Variants in PDZRN4 observed in about 807,000 individuals in gnomAD.
PDZRN4 encodes the protein PDZ domain-containing RING finger protein 4.
PDZRN4 carries 70 observed loss-of-function variants against 99.0 expected under a neutral mutation model. That is an observed-to-expected ratio of 0.71 (90% CI 0.58 to 0.86). PDZRN4 has a LOEUF of 0.86. PDZRN4 is among the 40% of genes least tolerant of loss of function. The pLI is 0.00. For synonymous variants in PDZRN4, 551 were observed against 501.6 expected (o/e 1.10, Z -1.32); for missense variants, 1,474 against 1,331.2 (o/e 1.11, Z -1.67).
rs75453084 is a variant in PDZRN4 at position 41,438,772 on chromosome 12, A to G, written c.844-67684A>G. 7.4e-3 allele frequency among the ~76,000 whole-genome samples: 1,124 copies of G among 152,258 alleles called. 17 individuals carry two copies. Among genetic ancestry groups the G allele is most frequent in the African/African-American group, 0.025 (1,022 of 41,548 alleles). ...CCTGAGCCTTTATAGTTTTAACAGA[A>G]TTTTCTTAACTTACTGTTTTATTGG... On this transcript the variant is annotated intron_variant, in intron 3 of 9. Coordinates refer to ENST00000402685, the MANE Select transcript of PDZRN4 (RefSeq NM_001164595.2).
At chr12:41,283,550 C>CACA (rs1259103180) in intron 3 of PDZRN4, among the ~76,000 whole-genome samples, 1 of 152,080 alleles carries the variant, frequency 6.6e-6, no homozygotes. Flanking sequence ...CTGGCAGAGA[C>CACA]ACAACAACAA....
At chr12:41,195,858 G>C (rs1950768031) in intron 3 of PDZRN4, among the ~76,000 whole-genome samples, 1 of 152,088 alleles carries the variant, frequency 6.6e-6, no homozygotes, top group South Asian at 2.1e-4. Flanking sequence ...AACATATTAA[G>C]TTGTCCAGTT....
Position 41,573,053 on chromosome 12 carries a change from TTCC to T in PDZRN4, c.2275_2277del (p.Ser759del). On this transcript the variant is annotated inframe_deletion, in exon 10 of 10. Transcript: ENST00000402685. ...TCACTGTAGACCGTTCCCCTGACAG[TTCC>T]CTTCCAAGGGTGATCAACCTCACCA... The T allele has an allele frequency of 6.2e-7, 1 of 1,614,068 alleles. No individual in the cohort carries two copies. Among genetic ancestry groups the T allele is most frequent in the Non-Finnish European group, 8.5e-7 (1 of 1,180,004 alleles).
intron 5 of PDZRN4, among the ~76,000 whole-genome samples, chr12:41,543,431 A>T (rs1481502874): frequency 6.6e-6 from 1 of 152,146 alleles, no homozygotes; most frequent in Admixed American, 6.6e-5. Context: ...GCTGGCTCTG[A>T]ATTTCCTCAT....
intron 3 of PDZRN4, among the ~76,000 whole-genome samples, chr12:41,256,221 G>T (rs1951203644): frequency 6.6e-6 from 1 of 152,002 alleles, no homozygotes; most frequent in African/African-American, 2.4e-5. Flanking sequence ...AAAAGGAAAA[G>T]GAAAACAAAT....
At position 41,360,903 on chromosome 12, in the gene PDZRN4, C is replaced by T. The variant is rs575869648; in HGVS notation, c.844-145553C>T. On this transcript the variant is annotated intron_variant, in intron 3 of 9. Transcript: ENST00000402685. ...TTACCAAATTAGAGCAAAAAATATC[C>T]CAAAAAACCTATTTATCATTCCAAA... is the stretch of plus-strand genomic sequence containing the variant. Among the ~76,000 whole-genome samples the T allele has an allele frequency of 4.0e-5, 6 of 151,478 alleles. No individual in the cohort carries two copies. The East Asian group carries it at 1.2e-3, about 30-fold the overall frequency.
intron 3 of PDZRN4, among the ~76,000 whole-genome samples, chr12:41,386,994 A>C (rs1028592732): frequency 7.9e-5 from 12 of 152,188 alleles, no homozygotes; most frequent in Middle Eastern, 3.2e-3. Context: ...TTAAACACTT[A>C]AATTTAAAAT....
At chr12:41,523,395 G>A (rs1031558400) in intron 5 of PDZRN4, among the ~76,000 whole-genome samples, 11 of 152,104 alleles carry the variant, frequency 7.2e-5, no homozygotes, top group Admixed American at 4.6e-4. Context: ...GAACATTCAC[G>A]TGGAAGCGTC....
At chr12:41,458,396 A>G (rs747134350) in intron 3 of PDZRN4, among the ~76,000 whole-genome samples, 1 of 152,168 alleles carries the variant, frequency 6.6e-6, no homozygotes, top group Non-Finnish European at 1.5e-5. Flanking sequence ...ACCTCAGGTG[A>G]TCCGCCTGCC....
At chr12:41,459,695 C>T (rs1470851606) in intron 3 of PDZRN4, among the ~76,000 whole-genome samples, 1 of 152,130 alleles carries the variant, frequency 6.6e-6, no homozygotes, top group Non-Finnish European at 1.5e-5. Context: ...GAACAACAGG[C>T]TCTAAATTGT....
chr12:41,303,940 A>T (rs374300606), intron 3 of PDZRN4, among the ~76,000 whole-genome samples: 6 of 152,310 alleles, frequency 3.9e-5, no homozygotes, highest in African/African-American at 7.2e-5. Context: ...TTGTTTTAGT[A>T]CCTACTGTGA....
chr12:41,469,728 G>A (rs534002462), intron 3 of PDZRN4, among the ~76,000 whole-genome samples: 63 of 152,088 alleles, frequency 4.1e-4, no homozygotes, highest in Non-Finnish European at 7.2e-4. Flanking sequence ...TCAGGAGATC[G>A]AGACCATCCT....
intron 5 of PDZRN4, among the ~76,000 whole-genome samples, chr12:41,540,018 G>A (rs141009361): frequency 2.0e-5 from 3 of 152,198 alleles, no homozygotes; most frequent in African/African-American, 7.2e-5. Flanking sequence ...AAAATAACTA[G>A]GAGAGCTGGC....
At chr12:41,316,486 G>A (rs1485688925) in intron 3 of PDZRN4, among the ~76,000 whole-genome samples, 1 of 151,596 alleles carries the variant, frequency 6.6e-6, no homozygotes, top group East Asian at 1.9e-4. Context: ...GTGTGTGTGT[G>A]TGTGTGTGTA....
intron 5 of PDZRN4, among the ~76,000 whole-genome samples, chr12:41,533,324 GCCACCACA>G (rs1320633969): frequency 1.3e-5 from 2 of 151,832 alleles, no homozygotes; most frequent in Non-Finnish European, 2.9e-5. Context: ...ACAGGCGAGT[GCCACCACA>G]CCTGGCTACT....
chr12:41,551,384 T>C lies in PDZRN4; in HGVS notation c.1204-1272T>C, dbSNP rs114372280. ...AATATGTTGAAACCCTAATACAAAT[T>C]GTAGGGAACACAAACATTTAGACCT... On this transcript the variant is annotated intron_variant, in intron 5 of 9. Transcript: ENST00000402685. Among the ~76,000 whole-genome samples, 260 of 152,188 alleles carry C rather than the reference T, an allele frequency of 1.7e-3. 1 individual carries two copies. The highest frequency in any genetic ancestry group is 5.9e-3 in the African/African-American group (247 of 41,524).
intron 3 of PDZRN4, among the ~76,000 whole-genome samples, chr12:41,477,344 T>G (rs928370964): frequency 6.6e-6 from 1 of 152,224 alleles, no homozygotes; most frequent in Non-Finnish European, 1.5e-5. Flanking sequence ...AACTCTGGTC[T>G]CTGAAGGCAC....
At chr12:41,503,031 A>C (rs1938137830) in intron 3 of PDZRN4, among the ~76,000 whole-genome samples, 1 of 152,116 alleles carries the variant, frequency 6.6e-6, no homozygotes, top group South Asian at 2.1e-4. Flanking sequence ...ATCCCAATTA[A>C]GCTCTTCTTT....
chr12:41,470,241 C>G (rs1952973007), intron 3 of PDZRN4, among the ~76,000 whole-genome samples: 2 of 152,136 alleles, frequency 1.3e-5, no homozygotes, highest in Admixed American at 1.3e-4. Context: ...ACAAATCACC[C>G]TCATGCTTAA....
Sources: allele counts gnomAD v4.1 joint callset (sites outside exome capture counted in the v4.1 genomes callset), GRCh38; gene constraint gnomAD v4.1.1; transcripts MANE v1.5; gene names NCBI Gene and HGNC (gene_info 2026-07-23, HGNC 2026-07-21).